The following DOCK5 variants were observed in gnomAD, a reference collection of about 807,000 sequenced individuals.
DOCK5 encodes dedicator of cytokinesis 5, also known as dedicator of cytokinesis protein 5.
Under a neutral mutation model 251.8 loss-of-function variants are expected in DOCK5, and 142 were observed. The ratio of observed to expected loss-of-function variants is 0.56; its 90% CI spans 0.49 to 0.65. The LOEUF is 0.65. Among genes scored for constraint, DOCK5 ranks in the 30% least tolerant of loss-of-function variants. The pLI is 0.00. For missense variants in DOCK5, 2,111 were observed against 2,312.3 expected, an observed-to-expected ratio of 0.91 and a Z score of 1.79; for synonymous variants, 842 against 835.5, an observed-to-expected ratio of 1.01 and a Z score of -0.13.
chr8:25,318,629 T>C (rs998177190), intron 14 of DOCK5, among the ~76,000 whole-genome samples: 2 of 135,846 alleles, frequency 1.5e-5, no homozygotes, highest in Admixed American at 1.6e-4. Context: ...AGACAAGATC[T>C]AATGCAGGTA....
At chr8:25,366,285 G>A (rs1328223142) in intron 30 of DOCK5, among the ~76,000 whole-genome samples, 1 of 152,182 alleles carries the variant, frequency 6.6e-6, no homozygotes, top group Non-Finnish European at 1.5e-5. Context: ...GAGGTCAGGA[G>A]TTTAAGACCA....
Position 25,186,276 on chromosome 8 carries a change from G to T in DOCK5, c.43+1325G>T, listed in dbSNP as rs114795636. ...ACATTTTCTTTTTTGCTCTTAAGTTGCTTTTAGAATCTTAGTCTCTCCCTT... is the reference window on the plus strand; with the variant it reads ...ACATTTTCTTTTTTGCTCTTAAGTTTCTTTTAGAATCTTAGTCTCTCCCTT... On this transcript the variant is annotated intron_variant, in intron 1 of 51. Transcript: ENST00000276440. 1.3e-3 allele frequency among the ~76,000 whole-genome samples: 187 copies of T among 149,380 alleles called. 1 individual carries two copies. The highest frequency in any genetic ancestry group is 4.4e-3 in the African/African-American group (178 of 40,836).
At chr8:25,347,465 CGATT>C (rs1238159306) in intron 26 of DOCK5, among the ~76,000 whole-genome samples, 3 of 152,096 alleles carry the variant, frequency 2.0e-5, no homozygotes, top group Non-Finnish European at 4.4e-5. Flanking sequence ...AAGCATGTTG[CGATT>C]GGAGATTTGG....
At chr8:25,354,789 A>G (rs1227434365) in intron 27 of DOCK5, among the ~76,000 whole-genome samples, 4 of 152,250 alleles carry the variant, frequency 2.6e-5, no homozygotes, top group African/African-American at 9.6e-5. Context: ...CATCAATTCA[A>G]TAAAAGGAAA....
chr8:25,195,981 C>A (rs1441639689), intron 1 of DOCK5, among the ~76,000 whole-genome samples: 3 of 152,248 alleles, frequency 2.0e-5, no homozygotes, highest in African/African-American at 7.2e-5. Flanking sequence ...AGGATTTTGC[C>A]CACACTTTGG....
chr8:25,254,235 G>A (rs1803351645), intron 2 of DOCK5, among the ~76,000 whole-genome samples: 1 of 152,002 alleles, frequency 6.6e-6, no homozygotes. Context: ...CAAAAAATAA[G>A]TCAAAATAAA....
chr8:25,371,399 C>T (rs4872307), intron 34 of DOCK5, among the ~76,000 whole-genome samples: 11,669 of 152,014 alleles, frequency 0.077, 520 homozygotes, highest in East Asian at 0.18. Context: ...ACCTGGGAGG[C>T]GGAGATTGCA....
chr8:25,193,915 C>G (rs1050312191), intron 1 of DOCK5, among the ~76,000 whole-genome samples: 1 of 152,036 alleles, frequency 6.6e-6, no homozygotes, highest in African/African-American at 2.4e-5. Flanking sequence ...TTTTAAGGTT[C>G]CATGTATATT....
intron 41 of DOCK5, among the ~76,000 whole-genome samples, chr8:25,389,792 C>G (rs1294234333): frequency 6.6e-6 from 1 of 152,092 alleles, no homozygotes; most frequent in Admixed American, 6.6e-5. Flanking sequence ...GCACAGTGCC[C>G]AACTATGGCA....
At chr8:25,352,476 A>G (rs542714182) in intron 27 of DOCK5, among the ~76,000 whole-genome samples, 1 of 152,144 alleles carries the variant, frequency 6.6e-6, no homozygotes, top group Non-Finnish European at 1.5e-5. Flanking sequence ...GCCGGGTAAC[A>G]ACTATGATAG....
At chr8:25,190,126 A>C (rs574337396) in intron 1 of DOCK5, among the ~76,000 whole-genome samples, 2 of 151,716 alleles carry the variant, frequency 1.3e-5, no homozygotes, top group African/African-American at 4.8e-5. Flanking sequence ...ACTTCATGTG[A>C]TGTGCCCGCC....
intron 5 of DOCK5, among the ~76,000 whole-genome samples, chr8:25,286,316 A>C (rs1472157124): frequency 6.6e-6 from 1 of 152,220 alleles, no homozygotes; most frequent in African/African-American, 2.4e-5. Flanking sequence ...AGTCAGATGC[A>C]GTTAATCAGG....
intron 1 of DOCK5, among the ~76,000 whole-genome samples, chr8:25,206,173 G>A (rs773992295): frequency 1.3e-5 from 2 of 152,166 alleles, no homozygotes; most frequent in African/African-American, 4.8e-5. Flanking sequence ...TGGCCCTAAC[G>A]CAGTTATTTG....
intron 1 of DOCK5, among the ~76,000 whole-genome samples, chr8:25,196,742 A>G (rs1314420971): frequency 1.3e-5 from 2 of 152,238 alleles, no homozygotes; most frequent in African/African-American, 4.8e-5. Context: ...CTTCTAGCTT[A>G]TTGCCAGCAG....
intron 47 of DOCK5, among the ~76,000 whole-genome samples, chr8:25,402,360 G>A (rs930433367): frequency 1.3e-5 from 2 of 151,962 alleles, no homozygotes; most frequent in Non-Finnish European, 2.9e-5. Context: ...GCAGTGGCAC[G>A]ATCTCAGCTC....
chr8:25,260,228 C>T (rs1803539025), intron 2 of DOCK5, among the ~76,000 whole-genome samples: 1 of 152,122 alleles, frequency 6.6e-6, no homozygotes, highest in Non-Finnish European at 1.5e-5. Context: ...TTACCTGGCC[C>T]ACAGGGGATG....
chr8:25,301,445 C>A (rs796774307), intron 9 of DOCK5, among the ~76,000 whole-genome samples: 42 of 152,280 alleles, frequency 2.8e-4, no homozygotes, highest in African/African-American at 9.4e-4. Context: ...GTGATTCTTG[C>A]TTCAGTAAAG....
chr8:25,196,598 T>C (rs549604481), intron 1 of DOCK5, among the ~76,000 whole-genome samples: 2 of 152,354 alleles, frequency 1.3e-5, no homozygotes, highest in Non-Finnish European at 2.9e-5. Flanking sequence ...CATGTAGCCA[T>C]CTTGTTAGCT....
At chr8:25,322,361 C>T (rs1805446474) in intron 16 of DOCK5, among the ~76,000 whole-genome samples, 1 of 152,214 alleles carries the variant, frequency 6.6e-6, no homozygotes, top group South Asian at 2.1e-4. Flanking sequence ...TGACCTCCTA[C>T]ATCTTAGCTG....
Sources: allele counts gnomAD v4.1 joint callset (sites outside exome capture counted in the v4.1 genomes callset), GRCh38; gene constraint gnomAD v4.1.1; transcripts MANE v1.5; gene names NCBI Gene and HGNC (gene_info 2026-07-23, HGNC 2026-07-21).